The following NTRK2 variants were observed in gnomAD, a reference collection of about 807,000 sequenced individuals.
NTRK2 encodes neurotrophic receptor tyrosine kinase 2, also known as BDNF/NT-3 growth factors receptor.
NTRK2 carries 13 observed loss-of-function variants against 94.5 expected under a neutral mutation model. That is an observed-to-expected ratio of 0.14 (90% CI 0.09 to 0.22). NTRK2 has a LOEUF of 0.22. Ranked by LOEUF, NTRK2 falls within the 10% of genes least tolerant of loss-of-function variation. The pLI is 1.00. For missense variants in NTRK2, 639 were observed against 1,071.2 expected, an observed-to-expected ratio of 0.60 and a Z score of 5.63; for synonymous variants, 372 against 407.4, an observed-to-expected ratio of 0.91 and a Z score of 1.05.
chr9:84,934,418 C>T, intron 15 of NTRK2, 126 bp downstream of exon 15: 1 of 1,020,554 alleles, frequency 9.8e-7, no homozygotes, highest in Non-Finnish European at 1.5e-6. Context: ...TGGATGTATT[C>T]AAATTCCTTT....
At chr9:84,790,130 A>G (rs994195832) in intron 12 of NTRK2, among the ~76,000 whole-genome samples, 1 of 152,186 alleles carries the variant, frequency 6.6e-6, no homozygotes, top group African/African-American at 2.4e-5. Context: ...TAAGTGGTCT[A>G]TATGCCAGTA....
intron 17 of NTRK2, among the ~76,000 whole-genome samples, chr9:85,007,478 G>C (rs1831100196): frequency 6.6e-6 from 1 of 152,188 alleles, no homozygotes; most frequent in Non-Finnish European, 1.5e-5. Flanking sequence ...GTTTGCTATT[G>C]TATTAACTGT....
At chr9:84,813,207 A>G in intron 12 of NTRK2, 1 of 1,050,134 alleles carries the variant, frequency 9.5e-7, no homozygotes, top group Non-Finnish European at 1.1e-6. Context: ...GAACAGAATG[A>G]TCTGTGTGAG....
intron 12 of NTRK2, among the ~76,000 whole-genome samples, chr9:84,789,166 C>T (rs551795555): frequency 2.0e-5 from 3 of 152,000 alleles, no homozygotes; most frequent in African/African-American, 7.2e-5. Flanking sequence ...TTCAATGGCA[C>T]GCAGGGGGAG....
intron 13 of NTRK2, among the ~76,000 whole-genome samples, chr9:84,862,943 G>C (rs564676112): frequency 1.3e-5 from 2 of 152,290 alleles, no homozygotes; most frequent in South Asian, 4.1e-4. Flanking sequence ...CCTAGAGTGT[G>C]AGCCTCACAT....
intron 2 of NTRK2, among the ~76,000 whole-genome samples, chr9:84,687,655 A>T (rs1427197127): frequency 1.3e-5 from 2 of 152,226 alleles, no homozygotes; most frequent in African/African-American, 4.8e-5. Flanking sequence ...TCCCATGGGT[A>T]GCTCAAATTG....
At chr9:84,676,243 C>T (rs532968787) in intron 2 of NTRK2, among the ~76,000 whole-genome samples, 6 of 152,186 alleles carry the variant, frequency 3.9e-5, no homozygotes, top group Admixed American at 2.6e-4. Flanking sequence ...TCTGAAGTTC[C>T]CTGAAGCCTC....
At chr9:84,802,884 G>A (rs745868135) in intron 12 of NTRK2, among the ~76,000 whole-genome samples, 2 of 152,184 alleles carry the variant, frequency 1.3e-5, no homozygotes, top group Non-Finnish European at 2.9e-5. Context: ...TGCTCGTGAC[G>A]TGAATGAGTG....
chr9:84,764,959 G>A (rs1315952721), intron 12 of NTRK2, among the ~76,000 whole-genome samples: 1 of 152,180 alleles, frequency 6.6e-6, no homozygotes, highest in Non-Finnish European at 1.5e-5. Flanking sequence ...GCCAGGCACA[G>A]AAAGACAAAC....
chr9:84,933,325 C>CTT (rs889114945), intron 14 of NTRK2, among the ~76,000 whole-genome samples: 5 of 152,166 alleles, frequency 3.3e-5, no homozygotes, highest in African/African-American at 1.2e-4. Flanking sequence ...GACCTCTGTC[C>CTT]TTTGGTGTGC....
chr9:84,937,793 T>C (rs976873508), intron 15 of NTRK2, among the ~76,000 whole-genome samples: 12 of 152,252 alleles, frequency 7.9e-5, no homozygotes, highest in Non-Finnish European at 1.2e-4. Flanking sequence ...GCAGTTTCCC[T>C]GCATTAACTG....
In NTRK2 at chr9:84,752,089, A is replaced by G. The variant is rs2064672436; in HGVS notation, c.1396+4A>G. 7 of 1,611,636 alleles carry G rather than the reference A, an allele frequency of 4.3e-6. No homozygotes were observed. The highest frequency in any genetic ancestry group is 5.9e-6 in the Non-Finnish European group (7 of 1,177,932). The stretch of plus-strand genomic sequence containing the variant: ...CACTCCAAGTTTGGCATGAAAGGTA[A>G]GAAGGGTTGTGTTTATTTAGCTTCT... On this transcript the variant is annotated splice_donor_region_variant and intron_variant, in intron 12 of 18. Coordinates refer to ENST00000277120, the MANE Select transcript of NTRK2 (RefSeq NM_006180.6).
At chr9:84,925,742 G>GT (rs1053822228) in intron 14 of NTRK2, among the ~76,000 whole-genome samples, 27 of 152,164 alleles carry the variant, frequency 1.8e-4, no homozygotes, top group African/African-American at 6.3e-4. Flanking sequence ...ACCAGCCTCT[G>GT]TGAGGACAAG....
At position 84,752,014 on chromosome 9, in the gene NTRK2, T is replaced by C. The variant is rs2064666707; in HGVS notation, c.1325T>C (p.Val442Ala). 6.2e-7 allele frequency: 1 copy of C among 1,613,948 alleles called. No homozygotes were observed. Among genetic ancestry groups the C allele is most frequent in the African/African-American group, 1.3e-5 (1 of 74,920 alleles). The change falls in exon 12 of 19, where the codon GTG becomes GCG. Residue 442 changes from valine to alanine, a missense_variant. Physicochemically the swap from Val to Ala is moderately conservative, Grantham distance 64 (BLOSUM62 0). Around this residue, in one of 5 missense-constraint regions of NTRK2, gnomAD observed 343 missense variants for 571.5 expected, o/e 0.60. Coordinates refer to ENST00000277120, the MANE Select transcript of NTRK2 (RefSeq NM_006180.6). ...SVYAVVVIAS[V>A]VGFCLLVMLF... ...TATGCTGTGGTGGTGATTGCGTCTG[T>C]GGTGGGATTTTGCCTTTTGGTAATG...
chr9:84,966,400 T>A (rs1183128088), intron 17 of NTRK2, among the ~76,000 whole-genome samples: 2 of 152,212 alleles, frequency 1.3e-5, no homozygotes, highest in Non-Finnish European at 2.9e-5. Flanking sequence ...CTGAGTCTGA[T>A]GTCCAGCCAA....
At chr9:84,716,915 G>C (rs913188989) in intron 6 of NTRK2, among the ~76,000 whole-genome samples, 1 of 152,090 alleles carries the variant, frequency 6.6e-6, no homozygotes, top group Non-Finnish European at 1.5e-5. Context: ...TTTCCTACCA[G>C]GTATAAAGCA....
chr9:84,796,917 G>T (rs1164837461), intron 12 of NTRK2, among the ~76,000 whole-genome samples: 1 of 151,984 alleles, frequency 6.6e-6, no homozygotes, highest in Non-Finnish European at 1.5e-5. Context: ...GCCAAAACAT[G>T]CTGGAAATGT....
chr9:84,810,462 A>G, intron 12 of NTRK2: 2 of 1,276,206 alleles, frequency 1.6e-6, no homozygotes, highest in Non-Finnish European at 2.2e-6. Flanking sequence ...TGTTCATTTG[A>G]AAGTTATTGT....
intron 17 of NTRK2, among the ~76,000 whole-genome samples, chr9:85,018,317 A>G (rs904734202): frequency 7.9e-5 from 12 of 152,214 alleles, no homozygotes; most frequent in African/African-American, 2.7e-4. Flanking sequence ...GAGAATGGCA[A>G]GGAGACTAGA....
Sources: gnomAD v4.1 joint callset for allele counts (sites outside exome capture counted in the v4.1 genomes callset) on GRCh38, gnomAD v4.1.1 for gene constraint, gnomAD v4.1.1 regional missense constraint, MANE v1.5 for transcripts, NCBI Gene and HGNC (gene_info 2026-07-23, HGNC 2026-07-21) for gene names.